Variants in EPM2A observed in about 807,000 individuals in gnomAD.
EPM2A encodes laforin.
Under a neutral mutation model 26.5 loss-of-function variants are expected in EPM2A, and 21 were observed. The ratio of observed to expected loss-of-function variants is 0.79; its 90% CI spans 0.56 to 1.14. The LOEUF is 1.14. Ranked by LOEUF, EPM2A falls within the 50% of genes most tolerant of loss-of-function variation. The probability of loss-of-function intolerance (pLI) is 0.00; values close to 1 mark genes in which losing one functional copy is unlikely to be tolerated. For synonymous variants in EPM2A, 217 were observed against 177.6 expected, an observed-to-expected ratio of 1.22 and a Z score of -1.76; for missense variants, 458 against 440.8, an observed-to-expected ratio of 1.04 and a Z score of -0.35.
chr6:145,502,871 A>T (rs936690390), intron 2 of EPM2A, among the ~76,000 whole-genome samples: 1 of 152,250 alleles, frequency 6.6e-6, no homozygotes, highest in African/African-American at 2.4e-5. Flanking sequence ...ATTACATTGA[A>T]TTGAACAATG....
intron 2 of EPM2A, among the ~76,000 whole-genome samples, chr6:145,565,728 T>A (rs555364773): frequency 6.6e-6 from 1 of 152,194 alleles, no homozygotes; most frequent in South Asian, 2.1e-4. Flanking sequence ...GGAAGAAAGG[T>A]GGGTATCAAC....
At position 145,490,658 on chromosome 6, in the gene EPM2A, C is replaced by T. The variant is rs1779742415; in HGVS notation, c.555+11864G>A. The stretch of plus-strand genomic sequence containing the variant: ...TTGCATATTTCACACTTGAAACTCT[C>T]AGTAGAGTGTGATTTCATGCGTTCC... On this transcript the variant is annotated intron_variant, in intron 4 of 4. Transcript: ENST00000638717. 6 of 624,384 alleles carry T rather than the reference C, an allele frequency of 9.6e-6. 1 individual carries two copies. Among genetic ancestry groups the T allele is most frequent in the South Asian group, 5.7e-5 (4 of 69,952 alleles). The allele number at this position is 624,384 out of a possible 1,614,324, so 38.7% of individuals were successfully genotyped here.
chr6:145,408,220 T>C (rs9376931), intron 4 of EPM2A, among the ~76,000 whole-genome samples: 132,400 of 152,102 alleles, frequency 0.87, 57,847 homozygotes, highest in East Asian at 1. Flanking sequence ...AGGCATTTTC[T>C]ATTGTCCACC....
At chr6:145,632,819 T>C (rs1776363567) in intron 3 of EPM2A, among the ~76,000 whole-genome samples, 1 of 152,312 alleles carries the variant, frequency 6.6e-6, no homozygotes, top group Non-Finnish European at 1.5e-5. Flanking sequence ...TGGTAAAAAG[T>C]TCCCCTGCCA....
intron 4 of EPM2A, among the ~76,000 whole-genome samples, chr6:145,398,500 C>T (rs781744847): frequency 4.6e-5 from 7 of 152,022 alleles, no homozygotes; most frequent in Non-Finnish European, 1.0e-4. Context: ...CAAAGTGTTG[C>T]CGCTGGAGAC....
At chr6:145,463,893 G>T (rs534167205) in intron 4 of EPM2A, among the ~76,000 whole-genome samples, 8 of 152,192 alleles carry the variant, frequency 5.3e-5, no homozygotes, top group African/African-American at 1.9e-4. Context: ...ATCTCATCTC[G>T]AAGTGTAATA....
intron 2 of EPM2A, among the ~76,000 whole-genome samples, chr6:145,617,583 G>C (rs1301928157): frequency 6.6e-6 from 1 of 152,158 alleles, no homozygotes; most frequent in Admixed American, 6.5e-5. Context: ...CCCATTCATT[G>C]ACTTACAGGA....
chr6:145,395,067 A>G (rs1443721720), intron 4 of EPM2A, among the ~76,000 whole-genome samples: 1 of 150,724 alleles, frequency 6.6e-6, no homozygotes, highest in East Asian at 2.0e-4. Context: ...ACAGACATCT[A>G]TTAACCCCTT....
At chr6:145,620,271 T>C (rs907594264) in intron 2 of EPM2A, among the ~76,000 whole-genome samples, 1 of 152,130 alleles carries the variant, frequency 6.6e-6, no homozygotes, top group Non-Finnish European at 1.5e-5. Flanking sequence ...GCAACCTAGA[T>C]CCCTCGCATG....
intron 2 of EPM2A, among the ~76,000 whole-genome samples, chr6:145,597,764 CTTCT>C (rs901315930): frequency 3.9e-5 from 6 of 152,090 alleles, no homozygotes; most frequent in Non-Finnish European, 8.8e-5. Flanking sequence ...CTGTTGTTCC[CTTCT>C]TTGTGTTCCT....
intron 1 of EPM2A, among the ~76,000 whole-genome samples, chr6:145,727,900 G>A (rs1776291122): frequency 1.3e-5 from 2 of 152,176 alleles, no homozygotes; most frequent in Admixed American, 1.3e-4. Flanking sequence ...CAATGTTGAA[G>A]GAGGGGCCTG....
chr6:145,438,469 A>ATTTTT (rs68038397), intron 4 of EPM2A, among the ~76,000 whole-genome samples: 3 of 117,206 alleles, frequency 2.6e-5, no homozygotes, highest in Admixed American at 9.5e-5. Flanking sequence ...GAAGGGAATA[A>ATTTTT]TTTTTTTTTT....
intron 4 of EPM2A, among the ~76,000 whole-genome samples, chr6:145,445,952 A>G (rs1779123727): frequency 6.6e-6 from 1 of 151,878 alleles, no homozygotes; most frequent in Non-Finnish European, 1.5e-5. Flanking sequence ...CTTCTGCCTG[A>G]CTCTTTGGGG....
chr6:145,699,440 C>T (rs1333234359), intron 1 of EPM2A, among the ~76,000 whole-genome samples: 1 of 151,956 alleles, frequency 6.6e-6, no homozygotes, highest in African/African-American at 2.4e-5. Context: ...TTGTGGTGTG[C>T]ATATGAATGT....
intron 4 of EPM2A, among the ~76,000 whole-genome samples, chr6:145,429,376 T>C (rs954580339): frequency 1.3e-5 from 2 of 152,200 alleles, no homozygotes; most frequent in Non-Finnish European, 2.9e-5. Flanking sequence ...TTCTTTTCTA[T>C]ATTATTTGCT....
chr6:145,657,528 T>A (rs1778386960), intron 2 of EPM2A, among the ~76,000 whole-genome samples: 1 of 152,256 alleles, frequency 6.6e-6, no homozygotes, highest in Non-Finnish European at 1.5e-5. Context: ...TTAATTTTTC[T>A]TTCTGACCTT....
chr6:145,496,763 C>T (rs1376142844), downstream of EPM2A, among the ~76,000 whole-genome samples: 1 of 69,366 alleles, frequency 1.4e-5, no homozygotes, highest in African/African-American at 4.3e-5. Flanking sequence ...CGGAGTCTCG[C>T]TCTGTCGCCC....
At chr6:145,405,515 G>T (rs1047264792) in intron 4 of EPM2A, among the ~76,000 whole-genome samples, 5 of 152,138 alleles carry the variant, frequency 3.3e-5, no homozygotes, top group African/African-American at 1.2e-4. Context: ...CAGAGGTAAT[G>T]TTCCCTGATA....
At chr6:145,421,529 T>A (rs1778780587) in intron 4 of EPM2A, among the ~76,000 whole-genome samples, 1 of 152,082 alleles carries the variant, frequency 6.6e-6, no homozygotes, top group Non-Finnish European at 1.5e-5. Context: ...TGTACAAAGA[T>A]GTTTATAAAA....
Sources: allele counts gnomAD v4.1 joint callset (sites outside exome capture counted in the v4.1 genomes callset), GRCh38; gene constraint gnomAD v4.1.1; transcripts MANE v1.5; gene names NCBI Gene and HGNC (gene_info 2026-07-23, HGNC 2026-07-21).